The following SETX variants were observed in gnomAD, a reference collection of about 807,000 sequenced individuals.
SETX encodes senataxin.
A neutral mutation model predicts 227.2 loss-of-function variants in SETX; 90 were observed. That is an observed-to-expected ratio of 0.40 (90% CI 0.33 to 0.47). The LOEUF (loss-of-function observed/expected upper bound fraction) is 0.47, where lower values mean the gene tolerates loss of function less well. Among genes scored for constraint, SETX ranks in the 20% least tolerant of loss-of-function variants. The probability of loss-of-function intolerance (pLI) is 0.91; values close to 1 mark genes in which losing one functional copy is unlikely to be tolerated. For missense variants in SETX, 3,052 were observed against 3,181.5 expected, an observed-to-expected ratio of 0.96 and a Z score of 0.98; for synonymous variants, 1,210 against 1,113.2, an observed-to-expected ratio of 1.09 and a Z score of -1.73.
rs971534664 is a variant in SETX, at chr9:132,329,943, T to G, written c.1655A>C (p.Gln552Pro). Residue 552 changes from glutamine (Q) to proline (P), a missense_variant, in exon 10 of 26, where the codon CAG becomes CCG. Coordinates refer to ENST00000224140, the MANE Select transcript of SETX (RefSeq NM_015046.7). ...ATCCCAGAATCGCTTGCAAAGAGAC[T>G]GCTGCCCAAGCTGATAACCTTCTTT... ...LLKEGYQLGQQSLCKRFWDKL... is the reference protein window; with the variant it reads ...LLKEGYQLGQPSLCKRFWDKL... 4.3e-5 allele frequency: 69 copies of G among 1,614,106 alleles called. No individual in the cohort carries two copies. Among genetic ancestry groups the G allele is most frequent in the Non-Finnish European group, 5.6e-5 (66 of 1,180,030 alleles).
In SETX at chr9:132,264,787, C is replaced by A. The variant is rs1310833215; in HGVS notation, c.7486G>T (p.Asp2496Tyr). The change falls in exon 26 of 26, where the codon GAC (aspartate) becomes TAC (tyrosine). Residue 2496 changes from aspartate (D) to tyrosine (Y), a missense_variant. This residue lies in a region of SETX where 294 missense variants were observed against 278.8 expected (regional missense o/e 1.05). Transcript: ENST00000224140. Reference sequence around the variant, plus strand: ...ACAGATGTCTTGGCAAATCCACTGTCTAGCTTGCTGCTGGGCAAACCACCC... The same window carrying A: ...ACAGATGTCTTGGCAAATCCACTGTATAGCTTGCTGCTGGGCAAACCACCC... Reference protein sequence around the residue: ...PQGGLPSSKLDSGFAKTSVAA... With the variant: ...PQGGLPSSKLYSGFAKTSVAA... 6.2e-7 allele frequency: 1 copy of A among 1,614,204 alleles called. No individual in the cohort carries two copies. Among genetic ancestry groups the A allele is most frequent in the Non-Finnish European group, 8.5e-7 (1 of 1,180,036 alleles).
intron 10 of SETX, among the ~76,000 whole-genome samples, chr9:132,325,817 A>T (rs1035587545): frequency 1.3e-5 from 2 of 151,660 alleles, no homozygotes; most frequent in African/African-American, 4.8e-5. Flanking sequence ...CTGTAATCTC[A>T]GCTACTTGGG....
At chr9:132,304,328 A>G (rs554579954) in intron 11 of SETX, among the ~76,000 whole-genome samples, 2 of 152,268 alleles carry the variant, frequency 1.3e-5, no homozygotes, top group African/African-American at 2.4e-5. Context: ...ATAACTGCAT[A>G]CTGTAGGTAG....
Position 132,262,125 on chromosome 9 carries a change from CT to C in SETX, c.*2113del, listed in dbSNP as rs1229564170. ...GGATGATCTAGTTCTACCATTAATT[CT>C]TGCAGAATCAGATCTGCTGAGTGGT... On this transcript the variant is annotated 3_prime_UTR_variant, in exon 26 of 26. Transcript: ENST00000224140. 3.3e-5 allele frequency: 5 copies of C among 152,214 alleles called. No homozygotes were observed. The highest frequency in any genetic ancestry group is 3.3e-4 in the Admixed American group (5 of 15,274). The allele number at this position is 152,214 out of a possible 1,614,324, so 9.4% of individuals were successfully genotyped here.
chr9:132,323,152 C>T (rs755857255), intron 10 of SETX, among the ~76,000 whole-genome samples: 1 of 152,008 alleles, frequency 6.6e-6, no homozygotes, highest in Non-Finnish European at 1.5e-5. Flanking sequence ...AGAAAGATGA[C>T]GGGGGTGGAG....
chr9:132,319,705 T>A (rs746774986), intron 10 of SETX, among the ~76,000 whole-genome samples: 1 of 152,214 alleles, frequency 6.6e-6, no homozygotes, highest in Admixed American at 6.5e-5. Flanking sequence ...TTCTGCCTAT[T>A]TGTTTCCTTC....
chr9:132,328,392 G>C lies in SETX; in HGVS notation c.3206C>G (p.Thr1069Ser). The change falls in exon 10 of 26, where the codon ACT becomes AGT. Residue 1069 changes from threonine to serine, a missense_variant. Coordinates refer to ENST00000224140, the MANE Select transcript of SETX (RefSeq NM_015046.7). Reference sequence around the variant, plus strand: ...ATCAGATTCCTCAAACTGAAAAAGAGTCTCTGTCTTTTCTTCCTTTACTGG... The same window carrying C: ...ATCAGATTCCTCAAACTGAAAAAGACTCTCTGTCTTTTCTTCCTTTACTGG... ...KNPVKEEKTE[T>S]LFQFEESDSQ... The C allele has an allele frequency of 6.2e-7, 1 of 1,613,968 alleles. No homozygotes were observed. The highest frequency in any genetic ancestry group is 1.1e-5 in the South Asian group (1 of 91,074).
chr9:132,273,899 C>T (rs1843018825), intron 23 of SETX, among the ~76,000 whole-genome samples: 2 of 151,822 alleles, frequency 1.3e-5, no homozygotes, highest in Admixed American at 1.3e-4. Flanking sequence ...TTCATTCTTA[C>T]CATGAAGTAT....
chr9:132,356,238 T>G (rs942745250), upstream of SETX, among the ~76,000 whole-genome samples: 1 of 151,704 alleles, frequency 6.6e-6, no homozygotes, highest in Non-Finnish European at 1.5e-5. Context: ...AGTCGCGCTC[T>G]GTCACCCAAG....
chr9:132,348,365 A>C (rs1396938824), intron 3 of SETX, among the ~76,000 whole-genome samples: 4 of 36,612 alleles, frequency 1.1e-4, no homozygotes, highest in Admixed American at 6.5e-4. Flanking sequence ...TCTGTCTCAA[A>C]AAAAAAACAA....
chr9:132,297,067 C>T lies in SETX; in HGVS notation c.5782-13G>A. On this transcript the variant is annotated splice_polypyrimidine_tract_variant and intron_variant, in intron 13 of 25. Transcript: ENST00000224140. ...TTAAGTACGCAATCTATATAAAAAA[C>T]ACATTTTTGAGAATGAGTTGCTGTT... 6.2e-7 allele frequency: 1 copy of T among 1,602,008 alleles called. No homozygotes were observed. The highest frequency in any genetic ancestry group is 8.5e-7 in the Non-Finnish European group (1 of 1,172,322).
rs1846801340 is a variant in SETX at position 132,326,715 on chromosome 9, G to C, written c.4883C>G (p.Ser1628Ter). 1 of 1,614,030 alleles carries C rather than the reference G, an allele frequency of 6.2e-7. No homozygotes were observed. The highest frequency in any genetic ancestry group is 2.2e-5 in the East Asian group (1 of 44,894). Residue 1628 changes from serine to a stop codon, truncating the protein, a stop_gained, in exon 10 of 26, where the codon TCA becomes TGA. Transcript: ENST00000224140. LOFTEE classifies it high-confidence loss of function. The part of the protein sequence containing the change: ...SALSPSLKNK[S>*]KGIQSILKVP... ...TTTCAAAATCGACTGTATCCCCTTT[G>C]ACTTATTTTTTAGAGACGGTGAAAG...
intron 11 of SETX, among the ~76,000 whole-genome samples, chr9:132,303,480 G>A (rs1845147924): frequency 6.6e-6 from 1 of 151,014 alleles, no homozygotes; most frequent in Non-Finnish European, 1.5e-5. Flanking sequence ...CGTGGGTTAG[G>A]TAAATGCTTC....
intron 20 of SETX, 44 bp from the exon 21 acceptor site, chr9:132,278,301 A>AT (rs757706820): frequency 6.3e-7 from 1 of 1,591,172 alleles, no homozygotes; most frequent in African/African-American, 1.3e-5. Flanking sequence ...GAATTCATTT[A>AT]TATCTTTCCC....
At chr9:132,276,953 C>T in intron 22 of SETX, 107 bp downstream of exon 22, 1 of 952,508 alleles carries the variant, frequency 1.0e-6, no homozygotes, top group Non-Finnish European at 1.7e-6. Context: ...TGTGCCCTGA[C>T]ACTAGGCAGA....
intron 2 of SETX, among the ~76,000 whole-genome samples, chr9:132,351,791 G>A (rs1322859001): frequency 2.0e-5 from 3 of 152,130 alleles, no homozygotes; most frequent in Non-Finnish European, 2.9e-5. Flanking sequence ...TTCTTCTTGA[G>A]GTCTATTTTG....
intron 20 of SETX, among the ~76,000 whole-genome samples, chr9:132,278,970 G>A (rs1355292364): frequency 6.6e-6 from 1 of 152,178 alleles, no homozygotes; most frequent in African/African-American, 2.4e-5. Context: ...AAACAGACTC[G>A]ACTTATGTGT....
chr9:132,278,147 A>C lies in SETX; in HGVS notation c.6765T>G (p.Thr2255=), dbSNP rs748079616. ...TGTCTGGATGCATCCTGTACTGAAC[A>C]GTGAGCTGTAGAATGGGCAGCCTGC... The part of the protein sequence containing the change: ...MISRLPILQL[T]VQYRMHPDIC... The change falls in exon 21 of 26, where the codon ACT becomes ACG. Residue 2255 remains threonine, a synonymous_variant. Coordinates refer to ENST00000224140, the MANE Select transcript of SETX (RefSeq NM_015046.7). 1 of 1,614,188 alleles carries C rather than the reference A, an allele frequency of 6.2e-7. No homozygotes were observed. The highest frequency in any genetic ancestry group is 1.1e-5 in the South Asian group (1 of 91,084).
At position 132,336,340 on chromosome 9, in the gene SETX, G is replaced by A. The variant is rs960303796; in HGVS notation, c.674C>T (p.Pro225Leu). The change falls in exon 6 of 26, where the codon CCC (proline) becomes CTC (leucine). Residue 225 changes from proline to leucine, a missense_variant. Transcript: ENST00000224140. ...VLEKGKLILL[P>L]SHMYDTTNYK... ...GTTGGTAGTATCATACATGTGTGAG[G>A]GCAGAAGAATCAGTTTACCCTTCTC... is the stretch of plus-strand genomic sequence containing the variant. 1.2e-6 allele frequency: 2 copies of A among 1,613,880 alleles called. No individual in the cohort carries two copies. Among genetic ancestry groups the A allele is most frequent in the Non-Finnish European group, 1.7e-6 (2 of 1,179,876 alleles).
Sources: allele counts gnomAD v4.1 joint callset (sites outside exome capture counted in the v4.1 genomes callset), GRCh38; gene constraint gnomAD v4.1.1; regional missense constraint gnomAD v4.1.1; transcripts MANE v1.5; gene names NCBI Gene and HGNC (gene_info 2026-07-23, HGNC 2026-07-21).